Variants in RPS6KA3 observed in about 807,000 individuals in gnomAD.
The protein encoded by RPS6KA3 is ribosomal protein S6 kinase A3.
RPS6KA3 carries 4 observed loss-of-function variants against 67.2 expected under a neutral mutation model. The observed-to-expected ratio is 0.06, with a 90% CI of 0.03 to 0.14. The LOEUF (loss-of-function observed/expected upper bound fraction) is 0.14. Among genes scored for constraint, RPS6KA3 ranks in the 10% least tolerant of loss-of-function variants. The pLI is 1.00. For synonymous variants in RPS6KA3, 182 were observed against 183.7 expected (o/e 0.99, Z 0.07); for missense variants, 204 against 559.0 (o/e 0.36, Z 6.40).
intron 1 of RPS6KA3, among the ~76,000 whole-genome samples, chrX:20,255,547 G>T (rs771389443): frequency 7.2e-5 from 8 of 111,369 alleles, no homozygotes; most frequent in Non-Finnish European, 1.5e-4. Flanking sequence ...AGCATTTTGG[G>T]AGGCCAAGGC....
intron 10 of RPS6KA3, among the ~76,000 whole-genome samples, chrX:20,179,042 T>G (rs1402688289): frequency 9.0e-6 from 1 of 111,063 alleles, no homozygotes; most frequent in African/African-American, 3.3e-5. Context: ...AAGAGGTCAC[T>G]GTTTTCTGAA....
At chrX:20,201,409 G>T (rs1439576877) in intron 4 of RPS6KA3, among the ~76,000 whole-genome samples, 1 of 111,393 alleles carries the variant, frequency 9.0e-6, no homozygotes, top group African/African-American at 3.3e-5. Flanking sequence ...AAAGTGCTAG[G>T]ATTACAAGTG....
intron 18 of RPS6KA3, among the ~76,000 whole-genome samples, chrX:20,164,104 T>C (rs753767246): frequency 3.0e-3 from 332 of 111,706 alleles, no homozygotes; most frequent in Non-Finnish European, 5.0e-3. Context: ...TGAGCTATGA[T>C]TGCACCACTG....
chrX:20,166,918 A>C (rs763636567), intron 17 of RPS6KA3, among the ~76,000 whole-genome samples: 1 of 110,281 alleles, frequency 9.1e-6, no homozygotes, highest in South Asian at 3.9e-4. Flanking sequence ...GGGTTTCGCC[A>C]TGTTGGCCAG....
chrX:20,266,462 G>T, intron 1 of RPS6KA3, 102 bp downstream of exon 1: 1 of 674,922 alleles, frequency 1.5e-6, no homozygotes, highest in Non-Finnish European at 2.2e-6. Flanking sequence ...AAAGACGCGA[G>T]CGGGATCAGA....
intron 3 of RPS6KA3, among the ~76,000 whole-genome samples, chrX:20,204,493 C>T (rs1198911842): frequency 2.7e-5 from 3 of 112,447 alleles, no homozygotes; most frequent in Middle Eastern, 4.6e-3. Flanking sequence ...AATTGTTATA[C>T]GGCGGTTCCT....
intron 1 of RPS6KA3, among the ~76,000 whole-genome samples, chrX:20,247,902 A>T (rs933386955): frequency 8.9e-6 from 1 of 112,363 alleles, no homozygotes; most frequent in Non-Finnish European, 1.9e-5. Flanking sequence ...TCCTATTGAA[A>T]GTAATTTAAA....
intron 2 of RPS6KA3, among the ~76,000 whole-genome samples, chrX:20,234,196 A>G (rs916465279): frequency 1.8e-5 from 2 of 112,840 alleles, no homozygotes; most frequent in South Asian, 3.6e-4. Context: ...GGCTAGGCAC[A>G]TGGCTCACGC....
intron 7 of RPS6KA3, among the ~76,000 whole-genome samples, chrX:20,191,353 T>C (rs926488497): frequency 5.4e-5 from 6 of 111,812 alleles, no homozygotes; most frequent in African/African-American, 9.8e-5. Context: ...GTCTTTATAG[T>C]AGAATGATTT....
chrX:20,244,191 A>G (rs2069625067), intron 1 of RPS6KA3, among the ~76,000 whole-genome samples: 1 of 111,698 alleles, frequency 9.0e-6, no homozygotes, highest in Non-Finnish European at 1.9e-5. Flanking sequence ...AGTTATAAAA[A>G]CTGACCATGT....
intron 4 of RPS6KA3, among the ~76,000 whole-genome samples, chrX:20,202,728 T>C (rs1191348165): frequency 8.9e-6 from 1 of 112,173 alleles, no homozygotes. Flanking sequence ...TTCCTTTACA[T>C]ACACTATGCA....
chrX:20,245,212 G>A (rs1231319636), intron 1 of RPS6KA3, among the ~76,000 whole-genome samples: 3 of 112,001 alleles, frequency 2.7e-5, no homozygotes, highest in Admixed American at 9.4e-5. Flanking sequence ...CTCCCAGCTT[G>A]AAAGTTTTAC....
chrX:20,187,075 C>T (rs982105686), intron 9 of RPS6KA3, among the ~76,000 whole-genome samples: 3 of 111,166 alleles, frequency 2.7e-5, no homozygotes, highest in African/African-American at 9.8e-5. Context: ...GCCACCACGC[C>T]CAGCCTGATT....
At chrX:20,202,346 G>A (rs1942347773) in intron 4 of RPS6KA3, among the ~76,000 whole-genome samples, 1 of 110,298 alleles carries the variant, frequency 9.1e-6, no homozygotes, top group Non-Finnish European at 1.9e-5. Context: ...CATACAGCAT[G>A]GCAGGTACTC....
intron 17 of RPS6KA3, 106 bp from the exon 18 acceptor site, chrX:20,165,166 C>T: frequency 1.7e-6 from 1 of 603,889 alleles, no homozygotes; most frequent in Non-Finnish European, 2.8e-6. Flanking sequence ...ATGATGAGTG[C>T]TGACCTTTAA....
At chrX:20,199,366 T>C (rs982564179) in intron 4 of RPS6KA3, among the ~76,000 whole-genome samples, 2 of 111,718 alleles carry the variant, frequency 1.8e-5, no homozygotes. Context: ...TCTTAAATGT[T>C]TGACACTTTC....
At chrX:20,228,722 G>A (rs1398310403) in intron 2 of RPS6KA3, among the ~76,000 whole-genome samples, 1 of 111,075 alleles carries the variant, frequency 9.0e-6, no homozygotes, top group Non-Finnish European at 1.9e-5. Flanking sequence ...AATAAGACTT[G>A]CTCACCATTA....
At chrX:20,248,982 C>A (rs1032027932) in intron 1 of RPS6KA3, among the ~76,000 whole-genome samples, 3 of 111,716 alleles carry the variant, frequency 2.7e-5, no homozygotes, top group African/African-American at 6.5e-5. Context: ...TTTACGACCA[C>A]ACTTCCCTCC....
rs2070398546 is a variant in RPS6KA3, at chrX:20,266,686, G to A, written c.-54C>T. On this transcript the variant is annotated 5_prime_UTR_variant, in exon 1 of 22. Transcript: ENST00000379565. Reference sequence around the variant, plus strand: ...CCTCCTCCCTCCCCGCCCGCCCCACGGCCGGCCCCGCTCCGTCGCCGCCCG... The same window carrying A: ...CCTCCTCCCTCCCCGCCCGCCCCACAGCCGGCCCCGCTCCGTCGCCGCCCG... 8.6e-6 allele frequency: 8 copies of A among 925,452 alleles called. No homozygotes were observed. Among genetic ancestry groups the A allele is most frequent in the Non-Finnish European group, 1.1e-5 (8 of 718,033 alleles). The allele number at this position is 925,452 out of a possible 1,213,427, so 76.3% of individuals were successfully genotyped here. A position where few individuals can be genotyped will look rare whatever the true frequency, so the allele number is the denominator to read the frequency against.
Sources: allele counts gnomAD v4.1 joint callset (sites outside exome capture counted in the v4.1 genomes callset), GRCh38; gene constraint gnomAD v4.1.1; transcripts MANE v1.5; gene names NCBI Gene and HGNC (gene_info 2026-07-23, HGNC 2026-07-21).